C16orf87: variants seen among roughly 807,000 people sequenced by gnomAD.
The protein encoded by C16orf87 is UPF0547 protein C16orf87.
C16orf87 carries 13 observed loss-of-function variants against 21.0 expected under a neutral mutation model. That is an observed-to-expected ratio of 0.62 (90% CI 0.40 to 0.98). C16orf87 has a LOEUF of 0.98. Ranked by LOEUF, C16orf87 falls within the 50% of genes least tolerant of loss-of-function variation. The probability of loss-of-function intolerance (pLI) is 0.00; values close to 1 mark genes in which losing one functional copy is unlikely to be tolerated. For missense variants in C16orf87, 113 were observed against 180.4 expected (o/e 0.63, Z 2.14); for synonymous variants, 49 against 60.2 (o/e 0.81, Z 0.86).
At chr16:46,827,131 CTGAGTTAATTCATTCTATAGTT>C (rs1959648841) in intron 1 of C16orf87, among the ~76,000 whole-genome samples, 1 of 152,254 alleles carries the variant, frequency 6.6e-6, no homozygotes, top group African/African-American at 2.4e-5. Flanking sequence ...CCTCATGTGC[CTGAGTTAATTCATTCTATAGTT>C]TGAGTTAATT....
intron 2 of C16orf87, among the ~76,000 whole-genome samples, chr16:46,818,538 G>A (rs1959289417): frequency 6.6e-6 from 1 of 151,828 alleles, no homozygotes; most frequent in Non-Finnish European, 1.5e-5. Flanking sequence ...ATACTAATAA[G>A]CAATTATAAT....
rs1342857698 is a variant in C16orf87 at position 46,799,032 on chromosome 16, G to GA, written c.*3919dup. 6.6e-6 allele frequency: 1 copy of GA among 151,914 alleles called. No individual in the cohort carries two copies. The highest frequency in any genetic ancestry group is 2.4e-5 in the African/African-American group (1 of 41,390). The allele number at this position is 151,914 out of a possible 1,614,324, so 9.4% of individuals were successfully genotyped here. On this transcript the variant is annotated 3_prime_UTR_variant, in exon 4 of 4. Coordinates refer to ENST00000285697, the MANE Select transcript of C16orf87 (RefSeq NM_001001436.4). ...GTCCCAACCAGTGCAATAAGGCAAA[G>GA]AAAAAAATATAGAAATTATCAATAA...
At chr16:46,803,204 G>A in intron 3 of C16orf87, 134 bp from the exon 4 acceptor site, 1 of 437,686 alleles carries the variant, frequency 2.3e-6, no homozygotes, top group Non-Finnish European at 4.0e-6. Context: ...ATGTTACTAT[G>A]CTACTGAACT....
At chr16:46,809,019 C>CAA (rs776311594) in intron 3 of C16orf87, among the ~76,000 whole-genome samples, 91 of 51,508 alleles carry the variant, frequency 1.8e-3, no homozygotes, top group Non-Finnish European at 2.4e-3. Flanking sequence ...CTTTAAAAGA[C>CAA]AAAAAAAAAA....
chr16:46,819,865 T>C (rs772091434), intron 2 of C16orf87, among the ~76,000 whole-genome samples: 2 of 151,958 alleles, frequency 1.3e-5, no homozygotes, highest in Non-Finnish European at 2.9e-5. Context: ...TCCTAGCTAC[T>C]TGGGAGGCTG....
chr16:46,817,924 A>AAAAAAAAAAAAAAAAAAC (rs1176255878), intron 2 of C16orf87, among the ~76,000 whole-genome samples: 1 of 150,436 alleles, frequency 6.6e-6, no homozygotes, highest in African/African-American at 2.4e-5. Flanking sequence ...AGCAAAAAAA[A>AAAAAAAAAAAAAAAAAAC]AAAAAAAAAA....
At chr16:46,808,672 A>G (rs1023100918) in intron 3 of C16orf87, among the ~76,000 whole-genome samples, 1 of 152,136 alleles carries the variant, frequency 6.6e-6, no homozygotes, top group Non-Finnish European at 1.5e-5. Context: ...GGACATAGAG[A>G]GGTTCATTAT....
intron 3 of C16orf87, among the ~76,000 whole-genome samples, chr16:46,808,450 G>A (rs900117070): frequency 6.6e-6 from 1 of 152,180 alleles, no homozygotes; most frequent in Non-Finnish European, 1.5e-5. Context: ...TAAAATAAGT[G>A]AAATTTACAT....
chr16:46,800,030 T>C lies in C16orf87; in HGVS notation c.*2922A>G, dbSNP rs1169792539. ...TTGAAAGGCAAGCCAAAATTAAATATTGCCAAGTCATTTTAATGATCAGAA... is the reference window on the plus strand; with the variant it reads ...TTGAAAGGCAAGCCAAAATTAAATACTGCCAAGTCATTTTAATGATCAGAA... On this transcript the variant is annotated 3_prime_UTR_variant, in exon 4 of 4. Coordinates refer to ENST00000285697, the MANE Select transcript of C16orf87 (RefSeq NM_001001436.4). 6.6e-6 allele frequency: 1 copy of C among 152,216 alleles called. No individual in the cohort carries two copies. The highest frequency in any genetic ancestry group is 1.9e-4 in the East Asian group (1 of 5,204). 9.4% of individuals were successfully genotyped at this position (152,216 alleles called of 1,614,324 possible).
chr16:46,820,424 T>C (rs1006092039), intron 2 of C16orf87, among the ~76,000 whole-genome samples: 11 of 152,242 alleles, frequency 7.2e-5, no homozygotes, highest in Non-Finnish European at 1.5e-4. Context: ...AATCATTTTG[T>C]GGGGTTTTAA....
In C16orf87 at chr16:46,799,534, A is replaced by C. The variant is rs139982515; in HGVS notation, c.*3418T>G. ...AAGGCATCAAACCAAACTAGAAGGT[A>C]AAGTGGAAATAATTAAGAATGAGTT... On this transcript the variant is annotated 3_prime_UTR_variant, in exon 4 of 4. Transcript: ENST00000285697. 4 of 152,370 alleles carry C rather than the reference A, an allele frequency of 2.6e-5. No homozygotes were observed. The East Asian group carries it at 7.7e-4, about 29-fold the overall frequency. 9.4% of individuals were successfully genotyped at this position (152,370 alleles called of 1,614,324 possible).
rs1967752829 is a variant in C16orf87, at chr16:46,800,937, G to A, written c.*2015C>T. The A allele has an allele frequency of 6.6e-6, 1 of 152,146 alleles. No homozygotes were observed. Among genetic ancestry groups the A allele is most frequent in the South Asian group, 2.1e-4 (1 of 4,834 alleles). The allele number at this position is 152,146 out of a possible 1,614,324, so 9.4% of individuals were successfully genotyped here. ...TTTCTATACGGCAAGCTCCAGCCCAGCCACCAGTACCTCCTTTACCATATC... is the reference window on the plus strand; with the variant it reads ...TTTCTATACGGCAAGCTCCAGCCCAACCACCAGTACCTCCTTTACCATATC... On this transcript the variant is annotated 3_prime_UTR_variant, in exon 4 of 4. Transcript: ENST00000285697.
intron 2 of C16orf87, among the ~76,000 whole-genome samples, chr16:46,811,000 T>G (rs1968063965): frequency 6.6e-6 from 1 of 152,182 alleles, no homozygotes; most frequent in South Asian, 2.1e-4. Flanking sequence ...CTTTGAAAAC[T>G]TAAATATAGG....
At chr16:46,810,416 C>A (rs1968046875) in intron 2 of C16orf87, among the ~76,000 whole-genome samples, 1 of 152,038 alleles carries the variant, frequency 6.6e-6, no homozygotes, top group Non-Finnish European at 1.5e-5. Context: ...CAAGAAGCCA[C>A]CCCTCCCACT....
intron 2 of C16orf87, among the ~76,000 whole-genome samples, chr16:46,810,776 T>C (rs960047887): frequency 6.6e-6 from 1 of 152,342 alleles, no homozygotes; most frequent in Non-Finnish European, 1.5e-5. Context: ...GAATATTTAA[T>C]TATCCCAGAT....
chr16:46,819,380 C>A (rs1184711062), intron 2 of C16orf87, among the ~76,000 whole-genome samples: 2 of 152,030 alleles, frequency 1.3e-5, no homozygotes, highest in Non-Finnish European at 2.9e-5. Flanking sequence ...GACCTTGTGC[C>A]CAGCCTGTAA....
chr16:46,830,993 C>G, intron 1 of C16orf87, 91 bp downstream of exon 1: 2 of 1,008,628 alleles, frequency 2.0e-6, no homozygotes, highest in Non-Finnish European at 2.8e-6. Context: ...GCCCACCGCT[C>G]GGCCTCCGGG....
chr16:46,830,307 A>AGT (rs1555479577), intron 1 of C16orf87, among the ~76,000 whole-genome samples: 1,288 of 109,244 alleles, frequency 0.012, 18 homozygotes, highest in African/African-American at 0.015. Context: ...AGAGAGAGAG[A>AGT]GACACACAGA....
chr16:46,806,864 G>T (rs1255923009), intron 3 of C16orf87, among the ~76,000 whole-genome samples: 5 of 152,010 alleles, frequency 3.3e-5, no homozygotes, highest in Non-Finnish European at 7.4e-5. Context: ...TTTTAAGTTA[G>T]GTTTTTTAGA....
Sources: gnomAD v4.1 joint callset for allele counts (sites outside exome capture counted in the v4.1 genomes callset) on GRCh38, gnomAD v4.1.1 for gene constraint, MANE v1.5 for transcripts, NCBI Gene and HGNC (gene_info 2026-07-23, HGNC 2026-07-21) for gene names.